The following KHDRBS2 variants were observed in gnomAD, a reference collection of about 807,000 sequenced individuals.
KHDRBS2 encodes KH RNA binding domain containing, signal transduction associated 2.
Under a neutral mutation model 44.3 loss-of-function variants are expected in KHDRBS2, and 26 were observed. The ratio of observed to expected loss-of-function variants is 0.59; its 90% CI spans 0.43 to 0.81. The LOEUF (loss-of-function observed/expected upper bound fraction) is 0.81. Among genes scored for constraint, KHDRBS2 ranks in the 40% least tolerant of loss-of-function variants. KHDRBS2 has a pLI of 0.00. For missense variants in KHDRBS2, 476 were observed against 433.1 expected, an observed-to-expected ratio of 1.10 and a Z score of -0.88; for synonymous variants, 194 against 151.1, an observed-to-expected ratio of 1.28 and a Z score of -2.08.
the KHDRBS2 span, among the ~76,000 whole-genome samples, chr6:61,599,127 G>A: frequency 6.6e-6 from 1 of 151,818 alleles, no homozygotes; most frequent in Non-Finnish European, 1.5e-5. Flanking sequence ...GTAGAGACGA[G>A]GTTTCACCAT....
the KHDRBS2 span, among the ~76,000 whole-genome samples, chr6:61,662,195 A>T: frequency 0.36 from 54,590 of 151,982 alleles, 10,544 homozygotes; most frequent in East Asian, 0.49. Context: ...GTCTAGCCAT[A>T]TGTAGAAAGC....
chr6:62,044,486 G>A (rs1027490025), intron 3 of KHDRBS2, among the ~76,000 whole-genome samples: 2 of 151,162 alleles, frequency 1.3e-5, no homozygotes, highest in Non-Finnish European at 2.9e-5. Flanking sequence ...AACAGAATGA[G>A]ACACTGTCAG....
chr6:61,724,122 T>G (rs1436760361), intron 7 of KHDRBS2, among the ~76,000 whole-genome samples: 5 of 152,104 alleles, frequency 3.3e-5, no homozygotes, highest in Admixed American at 3.3e-4. Flanking sequence ...AACCTCTCAG[T>G]GGAAACCCTA....
At chr6:62,153,509 G>A (rs754870544) in intron 2 of KHDRBS2, among the ~76,000 whole-genome samples, 1 of 151,546 alleles carries the variant, frequency 6.6e-6, no homozygotes. Context: ...TTTTAAGCAC[G>A]AAAAAGTAAC....
At chr6:61,662,268 C>A in the KHDRBS2 span, among the ~76,000 whole-genome samples, 1 of 151,852 alleles carries the variant, frequency 6.6e-6, no homozygotes, top group Non-Finnish European at 1.5e-5. Context: ...TAAAGACTTA[C>A]ATGTTAGACC....
chr6:61,574,385 G>T, the KHDRBS2 span: 6 of 1,524,994 alleles, frequency 3.9e-6, no homozygotes, highest in Non-Finnish European at 4.4e-6. Context: ...TGACCTGCCC[G>T]TGAAGAGGCG....
chr6:62,006,232 A>G (rs1351036272), intron 3 of KHDRBS2, among the ~76,000 whole-genome samples: 1 of 152,052 alleles, frequency 6.6e-6, no homozygotes. Flanking sequence ...ACTGACACAG[A>G]CTTCTTAAAG....
chr6:61,955,015 T>TAC (rs534675784), intron 4 of KHDRBS2, among the ~76,000 whole-genome samples: 3,570 of 143,590 alleles, frequency 0.025, 178 homozygotes, highest in African/African-American at 0.087. Flanking sequence ...TATGTATGTA[T>TAC]ACACACATAC....
chr6:61,552,358 A>G, the KHDRBS2 span, among the ~76,000 whole-genome samples: 1 of 152,048 alleles, frequency 6.6e-6, no homozygotes, highest in African/African-American at 2.4e-5. Flanking sequence ...TTGTACATTG[A>G]TTTTGTATAC....
At chr6:62,014,102 A>G (rs998187037) in intron 3 of KHDRBS2, among the ~76,000 whole-genome samples, 1 of 152,206 alleles carries the variant, frequency 6.6e-6, no homozygotes, top group Non-Finnish European at 1.5e-5. Flanking sequence ...TTGTTAAAAC[A>G]TGAGATTAAA....
At chr6:61,564,369 TTTC>T in the KHDRBS2 span, among the ~76,000 whole-genome samples, 6,759 of 152,130 alleles carry the variant, frequency 0.044, 153 homozygotes, top group East Asian at 0.086. Flanking sequence ...TTTTTCAACT[TTTC>T]TTGTTTTTTA....
At chr6:62,177,871 A>T (rs1159905256) in intron 1 of KHDRBS2, among the ~76,000 whole-genome samples, 1 of 151,424 alleles carries the variant, frequency 6.6e-6, no homozygotes. Context: ...ATTCATATTC[A>T]TCAATAAGAC....
chr6:61,934,172 G>A (rs1156899038), intron 4 of KHDRBS2, among the ~76,000 whole-genome samples: 1 of 151,854 alleles, frequency 6.6e-6, no homozygotes, highest in Non-Finnish European at 1.5e-5. Flanking sequence ...CAGTTGAATT[G>A]TTTGAGTTTC....
intron 4 of KHDRBS2, among the ~76,000 whole-genome samples, chr6:61,972,806 T>C: frequency 6.6e-6 from 1 of 152,126 alleles, no homozygotes; most frequent in African/African-American, 2.4e-5. Context: ...TGCTGGCTGG[T>C]GGGGTTTAGT....
the KHDRBS2 span, among the ~76,000 whole-genome samples, chr6:61,573,682 G>A: frequency 1.3e-5 from 2 of 152,026 alleles, no homozygotes; most frequent in African/African-American, 2.4e-5. Context: ...CCAGCTACTT[G>A]GGAAGCTGAG....
intron 1 of KHDRBS2, among the ~76,000 whole-genome samples, chr6:62,214,646 T>C (rs1200003695): frequency 6.6e-6 from 1 of 151,874 alleles, no homozygotes; most frequent in Non-Finnish European, 1.5e-5. Context: ...CTCATTCACA[T>C]GACTGCAATT....
chr6:61,567,890 G>T, the KHDRBS2 span, among the ~76,000 whole-genome samples: 1 of 151,872 alleles, frequency 6.6e-6, no homozygotes, highest in Non-Finnish European at 1.5e-5. Flanking sequence ...AGCTGTGATC[G>T]CCAGGGATGA....
chr6:61,668,740 T>C, the KHDRBS2 span, among the ~76,000 whole-genome samples: 2,179 of 150,938 alleles, frequency 0.014, 19 homozygotes, highest in Non-Finnish European at 0.021. Flanking sequence ...ACATTCTTTT[T>C]CTTTCCAAAT....
At chr6:62,048,095 C>T (rs1788108963) in intron 2 of KHDRBS2, 101 bp from the exon 3 acceptor site, 1 of 688,260 alleles carries the variant, frequency 1.5e-6, no homozygotes, top group Non-Finnish European at 2.6e-6. Context: ...AACTTTACCA[C>T]TGAGAAGAGA....
Sources: gnomAD v4.1 joint callset for allele counts (sites outside exome capture counted in the v4.1 genomes callset) on GRCh38, gnomAD v4.1.1 for gene constraint, MANE v1.5 for transcripts, NCBI Gene and HGNC (gene_info 2026-07-23, HGNC 2026-07-21) for gene names.